KIAA0232: variants seen among roughly 807,000 people sequenced by gnomAD.
KIAA0232 encodes uncharacterized protein KIAA0232.
Under a neutral mutation model 122.0 loss-of-function variants are expected in KIAA0232, and 27 were observed. The ratio of observed to expected loss-of-function variants is 0.22; its 90% CI spans 0.16 to 0.31. The LOEUF (loss-of-function observed/expected upper bound fraction) is 0.31. KIAA0232 is among the 10% of genes least tolerant of loss of function. KIAA0232 has a pLI of 1.00. For missense variants in KIAA0232, 1,551 were observed against 1,634.2 expected (o/e 0.95, Z 0.88); for synonymous variants, 613 against 587.6 (o/e 1.04, Z -0.63).
At position 6,855,020 on chromosome 4, in the gene KIAA0232, C is replaced by T. The variant is rs181244109; in HGVS notation, c.370-2144C>T. 1.5e-3 allele frequency among the ~76,000 whole-genome samples: 223 copies of T among 152,248 alleles called. 1 individual carries two copies. Among genetic ancestry groups the T allele is most frequent in the African/African-American group, 4.9e-3 (204 of 41,540 alleles). On this transcript the variant is annotated intron_variant, in intron 4 of 9. Coordinates refer to ENST00000307659, the MANE Select transcript of KIAA0232 (RefSeq NM_014743.3). The surrounding 1 kb of genome is among the most constrained non-coding windows in gnomAD (Gnocchi z 4.3). The stretch of plus-strand genomic sequence containing the variant: ...GGTGATGACAGCTTCTGCTGTGCCT[C>T]TATGCTTCCCAGCTTGCTGTGATGG...
In KIAA0232 at chr4:6,884,037, A is replaced by G. The variant is rs1012361625; in HGVS notation, c.*3071A>G. The G allele has an allele frequency of 3.3e-5, 5 of 152,212 alleles. No homozygotes were observed. The highest frequency in any genetic ancestry group is 6.5e-5 in the Admixed American group (1 of 15,284). 9.4% of individuals were successfully genotyped at this position (152,212 alleles called of 1,614,324 possible). The stretch of plus-strand genomic sequence containing the variant: ...TAACAGGTTCCTCATTGATAAAACA[A>G]TGTTTTTTTGGTTGTTTATTCAGTA... On this transcript the variant is annotated 3_prime_UTR_variant, in exon 10 of 10. Transcript: ENST00000307659.
At chr4:6,811,049 TAAAG>T (rs1717854462) in intron 2 of KIAA0232, among the ~76,000 whole-genome samples, 1 of 152,332 alleles carries the variant, frequency 6.6e-6, no homozygotes, top group African/African-American at 2.4e-5. Context: ...GGCGATTTCT[TAAAG>T]AACTGAAAAT....
chr4:6,819,565 C>T (rs889284255), intron 2 of KIAA0232, among the ~76,000 whole-genome samples: 1 of 152,156 alleles, frequency 6.6e-6, no homozygotes, highest in Non-Finnish European at 1.5e-5. Flanking sequence ...TAACATCTCA[C>T]AACAGTCAGA....
Position 6,871,656 on chromosome 4 carries a change from C to T in KIAA0232, c.3884C>T (p.Pro1295Leu), listed in dbSNP as rs748177197. 1 of 1,608,688 alleles carries T rather than the reference C, an allele frequency of 6.2e-7. No individual in the cohort carries two copies. Among genetic ancestry groups the T allele is most frequent in the East Asian group, 2.2e-5 (1 of 44,846 alleles). ...TGGTGGGAAAAAGCCTTGTACTCTC[C>T]TCTTTTTCCTGCATCAGAGTGTGAA... Reference protein sequence around the residue: ...QTWWEKALYSPLFPASECEEC... With the variant: ...QTWWEKALYSLLFPASECEEC... The change falls in exon 8 of 10, where the codon CCT (proline) becomes CTT (leucine). Residue 1295 changes from proline to leucine, a missense_variant. Around this residue, in one of 5 missense-constraint regions of KIAA0232, gnomAD observed 1,108 missense variants for 1,154.8 expected, o/e 0.96. Transcript: ENST00000307659.
At chr4:6,799,395 G>A (rs1717276470) in intron 1 of KIAA0232, among the ~76,000 whole-genome samples, 1 of 151,024 alleles carries the variant, frequency 6.6e-6, no homozygotes, top group Admixed American at 6.6e-5. Context: ...TACCTTTTTT[G>A]GGGGAAACAG....
At chr4:6,836,534 T>C (rs1161923749) in intron 3 of KIAA0232, among the ~76,000 whole-genome samples, 1 of 149,094 alleles carries the variant, frequency 6.7e-6, no homozygotes. Flanking sequence ...TTTTCTTTTT[T>C]TTTTTTCTTT....
intron 2 of KIAA0232, among the ~76,000 whole-genome samples, chr4:6,819,315 A>G (rs1028670834): frequency 1.3e-5 from 2 of 152,186 alleles, no homozygotes; most frequent in African/African-American, 4.8e-5. Context: ...CATTTCATAT[A>G]CAGACCACCT....
At chr4:6,827,847 CA>C (rs1196464121) in intron 3 of KIAA0232, among the ~76,000 whole-genome samples, 1 of 151,922 alleles carries the variant, frequency 6.6e-6, no homozygotes, top group Non-Finnish European at 1.5e-5. Context: ...GTCACTGTGC[CA>C]GTAGTTTTAT....
intron 7 of KIAA0232, among the ~76,000 whole-genome samples, chr4:6,870,050 T>C (rs1163081361): frequency 1.3e-5 from 2 of 152,132 alleles, no homozygotes; most frequent in African/African-American, 4.8e-5. Flanking sequence ...TCAGGCACAG[T>C]GAGGAAGGCA....
chr4:6,825,692 G>A (rs1333829515), intron 3 of KIAA0232, among the ~76,000 whole-genome samples: 1 of 151,994 alleles, frequency 6.6e-6, no homozygotes, highest in African/African-American at 2.4e-5. Context: ...CCTGCCAGAG[G>A]GAACCAGAGT....
chr4:6,835,981 C>T (rs1435978288), intron 3 of KIAA0232, among the ~76,000 whole-genome samples: 1 of 152,168 alleles, frequency 6.6e-6, no homozygotes, highest in Non-Finnish European at 1.5e-5. Flanking sequence ...TGGGTATATA[C>T]CCAGTAATGG....
intron 9 of KIAA0232, among the ~76,000 whole-genome samples, chr4:6,880,125 T>TGCA: frequency 3.5e-5 from 1 of 28,592 alleles, no homozygotes; most frequent in African/African-American, 2.2e-4. Flanking sequence ...CACACAGGTC[T>TGCA]GTAGTGTCGC....
Position 6,863,818 on chromosome 4 carries a change from G to A in KIAA0232, c.3436G>A (p.Asp1146Asn). The change falls in exon 7 of 10, where the codon GAT (aspartate) becomes AAT (asparagine). Residue 1146 changes from aspartate to asparagine, a missense_variant. By Grantham distance (23) the Asp-to-Asn change is conservative (BLOSUM62 1). This residue lies in a region of KIAA0232 where 1,108 missense variants were observed against 1,154.8 expected (regional missense o/e 0.96). Transcript: ENST00000307659. ...PIPSQVDIFE[D>N]PQADLKPLEE... ...TCCTTCTCAAGTTGATATATTTGAA[G>A]ATCCGCAGGCAGATCTCAAACCTTT... is the stretch of plus-strand genomic sequence containing the variant. 1 of 1,614,128 alleles carries A rather than the reference G, an allele frequency of 6.2e-7. No homozygotes were observed. The highest frequency in any genetic ancestry group is 2.2e-5 in the East Asian group (1 of 44,876).
At position 6,882,028 on chromosome 4, in the gene KIAA0232, C is replaced by T. The variant is rs1470919380; in HGVS notation, c.*1062C>T. The T allele has an allele frequency of 1.3e-5, 2 of 152,618 alleles. No homozygotes were observed. Among genetic ancestry groups the T allele is most frequent in the Non-Finnish European group, 1.5e-5 (1 of 68,032 alleles). The allele number at this position is 152,618 out of a possible 1,614,324, so 9.5% of individuals were successfully genotyped here. A position where few individuals can be genotyped will look rare whatever the true frequency, so the allele number is the denominator to read the frequency against. ...GTAGAGTCATGAGTTTTCCACATCC[C>T]TGTGTGGTGGTTTTGCTGACTGTCG... is the stretch of plus-strand genomic sequence containing the variant. On this transcript the variant is annotated 3_prime_UTR_variant, in exon 10 of 10. Transcript: ENST00000307659.
intron 2 of KIAA0232, among the ~76,000 whole-genome samples, chr4:6,808,601 C>T (rs1717742114): frequency 6.6e-6 from 1 of 151,516 alleles, no homozygotes; most frequent in African/African-American, 2.4e-5. Context: ...TCATGATTGT[C>T]TCGATATCAC....
chr4:6,798,038 ACAGAGC>A (rs1717213194), intron 1 of KIAA0232, among the ~76,000 whole-genome samples: 1 of 151,622 alleles, frequency 6.6e-6, no homozygotes, highest in East Asian at 1.9e-4. Context: ...AGCCTGGGTG[ACAGAGC>A]CAGACTCCGT....
chr4:6,831,635 T>A (rs1173611378), intron 3 of KIAA0232, among the ~76,000 whole-genome samples: 1 of 152,182 alleles, frequency 6.6e-6, no homozygotes, highest in Non-Finnish European at 1.5e-5. Context: ...AAAGATCATA[T>A]CCCTGTAACT....
chr4:6,846,105 A>AAT (rs750719749), intron 4 of KIAA0232, among the ~76,000 whole-genome samples: 1 of 151,896 alleles, frequency 6.6e-6, no homozygotes, highest in Non-Finnish European at 1.5e-5. Context: ...TTATTTAAAA[A>AAT]AAAAAAGATT....
Position 6,861,953 on chromosome 4 carries a change from C to T in KIAA0232, c.1571C>T (p.Ser524Leu). The T allele has an allele frequency of 6.2e-7, 1 of 1,614,016 alleles. No homozygotes were observed. Among genetic ancestry groups the T allele is most frequent in the Non-Finnish European group, 8.5e-7 (1 of 1,179,968 alleles). The part of the protein sequence containing the change: ...IDQSMLDPGA[S>L]ETMQGESRIL... ...CAATCCATGTTGGATCCTGGTGCCT[C>T]AGAAACAATGCAAGGAGAAAGTCGG... Residue 524 changes from serine (S) to leucine (L), a missense_variant, in exon 7 of 10, where the codon TCA becomes TTA. Ser to Leu is a moderately radical substitution (Grantham distance 145). Coordinates refer to ENST00000307659, the MANE Select transcript of KIAA0232 (RefSeq NM_014743.3).
Sources: gnomAD v4.1 joint callset for allele counts (sites outside exome capture counted in the v4.1 genomes callset) on GRCh38, gnomAD v4.1.1 for gene constraint, gnomAD v4.1.1 regional missense constraint, Gnocchi (gnomAD v3.1) non-coding constraint, MANE v1.5 for transcripts, NCBI Gene and HGNC (gene_info 2026-07-23, HGNC 2026-07-21) for gene names.